MED12L: variants seen among roughly 807,000 people sequenced by gnomAD.
The protein encoded by MED12L is mediator complex subunit 12L.
MED12L carries 60 observed loss-of-function variants against 281.3 expected under a neutral mutation model. The observed-to-expected ratio is 0.21, with a 90% CI of 0.17 to 0.26. The LOEUF (loss-of-function observed/expected upper bound fraction) is 0.26, where lower values mean the gene tolerates loss of function less well. Among genes scored for constraint, MED12L ranks in the 10% least tolerant of loss-of-function variants. MED12L has a pLI of 1.00. For missense variants in MED12L, 2,146 were observed against 2,680.9 expected, an observed-to-expected ratio of 0.80 and a Z score of 4.41; for synonymous variants, 974 against 987.2, an observed-to-expected ratio of 0.99 and a Z score of 0.25.
chr3:151,134,707 C>T (rs1345948682), intron 5 of MED12L, among the ~76,000 whole-genome samples: 1 of 152,136 alleles, frequency 6.6e-6, no homozygotes, highest in East Asian at 1.9e-4. Context: ...AGAAGAGACG[C>T]TTCCTAGGAG....
At chr3:151,133,964 G>C (rs555814741) in intron 5 of MED12L, among the ~76,000 whole-genome samples, 1 of 152,310 alleles carries the variant, frequency 6.6e-6, no homozygotes, top group South Asian at 2.1e-4. Flanking sequence ...TATTGTTGCT[G>C]AATCAACTAA....
intron 16 of MED12L, chr3:151,294,955 T>G (rs2149693067): frequency 6.2e-7 from 1 of 1,614,146 alleles, no homozygotes; most frequent in Non-Finnish European, 8.5e-7. Context: ...CATGGACTAT[T>G]CGAAATGGAA....
At chr3:151,248,140 C>T (rs1736106288) in intron 16 of MED12L, among the ~76,000 whole-genome samples, 1 of 151,786 alleles carries the variant, frequency 6.6e-6, no homozygotes, top group African/African-American at 2.4e-5. Flanking sequence ...ACAAAAAATG[C>T]TATGAATGTT....
intron 11 of MED12L, among the ~76,000 whole-genome samples, chr3:151,183,079 A>G (rs975543487): frequency 1.3e-5 from 2 of 151,840 alleles, no homozygotes; most frequent in African/African-American, 4.8e-5. Context: ...TCTATTTATC[A>G]GAAATCTGAT....
chr3:151,390,962 T>G (rs1714145042), intron 38 of MED12L, among the ~76,000 whole-genome samples: 1 of 152,212 alleles, frequency 6.6e-6, no homozygotes, highest in Non-Finnish European at 1.5e-5. Flanking sequence ...ACTCTCTTGC[T>G]GTATAATCTT....
chr3:151,283,189 G>A (rs991163654), intron 16 of MED12L, among the ~76,000 whole-genome samples: 1 of 152,152 alleles, frequency 6.6e-6, no homozygotes, highest in Non-Finnish European at 1.5e-5. Context: ...ATGTATTGTA[G>A]GCAGTTCACA....
At chr3:151,421,136 C>T (rs1325935421) in intron 43 of MED12L, among the ~76,000 whole-genome samples, 2 of 152,010 alleles carry the variant, frequency 1.3e-5, no homozygotes, top group Non-Finnish European at 2.9e-5. Flanking sequence ...TCCCTGCCAC[C>T]ATGGCCACTT....
At chr3:151,121,710 TTTTTTA>T (rs896649155) in intron 3 of MED12L, among the ~76,000 whole-genome samples, 7 of 152,198 alleles carry the variant, frequency 4.6e-5, no homozygotes, top group African/African-American at 1.7e-4. Flanking sequence ...ACTGAATTTA[TTTTTTA>T]TTTTTATTTT....
chr3:151,188,776 T>C (rs1233826860), intron 13 of MED12L, among the ~76,000 whole-genome samples: 1 of 152,236 alleles, frequency 6.6e-6, no homozygotes, highest in African/African-American at 2.4e-5. Flanking sequence ...GAATTTTCTC[T>C]TTTTTAGTAG....
At chr3:151,325,736 T>G (rs1377686351) in intron 16 of MED12L, among the ~76,000 whole-genome samples, 1 of 152,178 alleles carries the variant, frequency 6.6e-6, no homozygotes, top group Non-Finnish European at 1.5e-5. Context: ...TTGAAAGATC[T>G]TTCCCAAAAA....
intron 16 of MED12L, among the ~76,000 whole-genome samples, chr3:151,241,141 T>TA (rs1020689435): frequency 6.6e-6 from 1 of 152,200 alleles, no homozygotes; most frequent in African/African-American, 2.4e-5. Context: ...AAAAATTATG[T>TA]AAAATATCAT....
intron 11 of MED12L, among the ~76,000 whole-genome samples, chr3:151,182,906 T>C (rs1722869955): frequency 6.6e-6 from 1 of 152,138 alleles, no homozygotes; most frequent in Non-Finnish European, 1.5e-5. Flanking sequence ...GGATAACTAC[T>C]TCCAGGTTTC....
At chr3:151,301,540 T>C (rs1379018710) in intron 16 of MED12L, among the ~76,000 whole-genome samples, 1 of 152,208 alleles carries the variant, frequency 6.6e-6, no homozygotes. Flanking sequence ...AGGATTTCTA[T>C]TTAGACTATG....
intron 16 of MED12L, among the ~76,000 whole-genome samples, chr3:151,250,489 A>C (rs6782715): frequency 0.48 from 73,502 of 151,962 alleles, 18,158 homozygotes; most frequent in Middle Eastern, 0.61. Flanking sequence ...ACGAAGTTGA[A>C]TACTCTAGCT....
intron 10 of MED12L, 128 bp downstream of exon 10, chr3:151,165,647 C>T (rs554005990): frequency 8.4e-6 from 8 of 949,808 alleles, no homozygotes; most frequent in Non-Finnish European, 1.3e-5. Context: ...ATTTTGAGGA[C>T]AATCTTCAGT....
rs771087503 is a variant in MED12L at position 151,388,005 on chromosome 3, C to T, written c.5284C>T (p.Pro1762Ser). Reference protein sequence around the residue: ...MPKPRSYYLQPLPLPPEEEEE... With the variant: ...MPKPRSYYLQSLPLPPEEEEE... The stretch of plus-strand genomic sequence containing the variant: ...CAAGCCCCGCAGTTACTACCTCCAG[C>T]CACTGCCCCTGCCTCCTGAGGAGGA... Residue 1762 changes from proline (P) to serine (S), a missense_variant, in exon 37 of 45, where the codon CCA becomes TCA. Coordinates refer to ENST00000687756, the MANE Select transcript of MED12L (RefSeq NM_001393769.1). 1.2e-6 allele frequency: 2 copies of T among 1,614,044 alleles called. No individual in the cohort carries two copies. Among genetic ancestry groups the T allele is most frequent in the South Asian group, 1.1e-5 (1 of 91,074 alleles).
chr3:151,232,233 A>C (rs780525375), intron 16 of MED12L, among the ~76,000 whole-genome samples: 6 of 152,202 alleles, frequency 3.9e-5, no homozygotes, highest in Non-Finnish European at 8.8e-5. Context: ...GTCTTTACTT[A>C]AAACATTGTT....
intron 3 of MED12L, among the ~76,000 whole-genome samples, chr3:151,119,910 A>G (rs888405863): frequency 8.5e-5 from 13 of 152,230 alleles, no homozygotes; most frequent in Admixed American, 7.9e-4. Flanking sequence ...ATGGATGGAA[A>G]CAAATGTTAA....
chr3:151,394,902 T>C (rs1395833331), intron 39 of MED12L, 35 bp downstream of exon 39: 1 of 1,611,690 alleles, frequency 6.2e-7, no homozygotes, highest in Admixed American at 1.7e-5. Context: ...GTCCTTTGCA[T>C]TTTATTACCT....
Sources: gnomAD v4.1 joint callset for allele counts (sites outside exome capture counted in the v4.1 genomes callset) on GRCh38, gnomAD v4.1.1 for gene constraint, MANE v1.5 for transcripts, NCBI Gene and HGNC (gene_info 2026-07-23, HGNC 2026-07-21) for gene names.